Variants in ATL3 observed in about 807,000 individuals in gnomAD.
The protein encoded by ATL3 is atlastin-3.
ATL3 carries 49 observed loss-of-function variants against 69.5 expected under a neutral mutation model. The observed-to-expected ratio is 0.71, with a 90% CI of 0.56 to 0.89. ATL3 has a LOEUF of 0.89. Ranked by LOEUF, ATL3 falls within the 40% of genes least tolerant of loss-of-function variation. The pLI is 0.00. For synonymous variants in ATL3, 214 were observed against 224.1 expected, an observed-to-expected ratio of 0.95 and a Z score of 0.40; for missense variants, 606 against 645.7, an observed-to-expected ratio of 0.94 and a Z score of 0.67.
intron 8 of ATL3, among the ~76,000 whole-genome samples, chr11:63,642,036 A>G (rs947136173): frequency 6.6e-6 from 1 of 152,200 alleles, no homozygotes; most frequent in Admixed American, 6.5e-5. Flanking sequence ...AAGTACAACC[A>G]ATAATGGAGC....
intron 3 of ATL3, among the ~76,000 whole-genome samples, chr11:63,652,977 G>C (rs916629142): frequency 3.3e-5 from 5 of 152,158 alleles, no homozygotes; most frequent in Admixed American, 6.6e-5. Context: ...AGCAGCACTT[G>C]AGCCCAGTTC....
intron 1 of ATL3, among the ~76,000 whole-genome samples, chr11:63,659,755 C>T (rs866756473): frequency 6.6e-6 from 1 of 151,866 alleles, no homozygotes; most frequent in Non-Finnish European, 1.5e-5. Context: ...GCCAACATGA[C>T]GAAACCCCAT....
At chr11:63,661,799 G>A (rs1940428204) in intron 1 of ATL3, among the ~76,000 whole-genome samples, 1 of 151,882 alleles carries the variant, frequency 6.6e-6, no homozygotes, top group African/African-American at 2.4e-5. Context: ...TGAGGCAGGA[G>A]AATCGCTTGA....
chr11:63,629,338 A>G lies in ATL3; in HGVS notation c.1607T>C (p.Met536Thr), dbSNP rs1285933425. ...AAGATGCTATTGAGCTTTTTTATCC[A>G]TGGATGGTCTTCCAACAACTGCATC... ...VRDAVVGRPS[M>T]DKKAQ is the part of the protein sequence containing the mutation. Residue 536 changes from methionine (M) to threonine (T), a missense_variant, in exon 13 of 13, where the codon ATG becomes ACG. Physicochemically the swap from Met to Thr is moderately conservative, Grantham distance 81 (BLOSUM62 -1). Coordinates refer to ENST00000398868, the MANE Select transcript of ATL3 (RefSeq NM_015459.5). 4 of 1,613,980 alleles carry G rather than the reference A, an allele frequency of 2.5e-6. No homozygotes were observed. In the African/African-American group the frequency reaches 5.3e-5, roughly 22 times the overall value.
chr11:63,645,136 G>A (rs937905485), intron 6 of ATL3, among the ~76,000 whole-genome samples: 1 of 151,902 alleles, frequency 6.6e-6, no homozygotes, highest in South Asian at 2.1e-4. Flanking sequence ...GCCAGCCACC[G>A]TGGCTCATGC....
At position 63,665,763 on chromosome 11, in the gene ATL3, G is replaced by A. The variant is rs527436833; in HGVS notation, c.46+5527C>T. The stretch of plus-strand genomic sequence containing the variant: ...AATTAACCAGGCTTGGTGGTAACGC[G>A]CCTGTAATCCCAGCTACTTGGTATC... On this transcript the variant is annotated intron_variant, in intron 1 of 12. Transcript: ENST00000398868. Among the ~76,000 whole-genome samples, 193 of 151,814 alleles carry A rather than the reference G, an allele frequency of 1.3e-3. 1 individual carries two copies. Among genetic ancestry groups the A allele is most frequent in the African/African-American group, 4.4e-3 (184 of 41,390 alleles).
chr11:63,635,665 T>C, intron 9 of ATL3, 75 bp from the exon 10 acceptor site: 3 of 1,198,218 alleles, frequency 2.5e-6, no homozygotes, highest in Non-Finnish European at 1.2e-6. Context: ...TTTTAGAAAG[T>C]GACCATACAA....
chr11:63,658,408 C>T (rs746063556), intron 3 of ATL3, among the ~76,000 whole-genome samples: 8 of 152,108 alleles, frequency 5.3e-5, no homozygotes, highest in Non-Finnish European at 1.0e-4. Flanking sequence ...TCTAAAAATG[C>T]TACATAGCCC....
intron 2 of ATL3, 49 bp downstream of exon 2, chr11:63,658,989 G>A (rs768790357): frequency 3.7e-6 from 6 of 1,602,418 alleles, no homozygotes; most frequent in Non-Finnish European, 5.1e-6. Flanking sequence ...TCGCTTTTTT[G>A]GACATTAAAG....
chr11:63,637,423 T>A (rs1261204863), intron 8 of ATL3, among the ~76,000 whole-genome samples: 1 of 152,216 alleles, frequency 6.6e-6, no homozygotes, highest in East Asian at 1.9e-4. Flanking sequence ...TTCTTGTTAA[T>A]TTTTTTAATG....
chr11:63,638,319 A>C (rs1939585806), intron 8 of ATL3, among the ~76,000 whole-genome samples: 1 of 152,218 alleles, frequency 6.6e-6, no homozygotes, highest in African/African-American at 2.4e-5. Context: ...TTACTGTATT[A>C]GGTCTCCCTG....
intron 1 of ATL3, among the ~76,000 whole-genome samples, chr11:63,662,212 CAA>C (rs1228390912): frequency 4.3e-4 from 36 of 84,662 alleles, no homozygotes; most frequent in Admixed American, 7.1e-4. Context: ...GACTCTATCT[CAA>C]AAAAAAAAAA....
intron 8 of ATL3, among the ~76,000 whole-genome samples, chr11:63,636,850 T>A (rs1286357348): frequency 1.3e-5 from 2 of 152,214 alleles, no homozygotes; most frequent in Non-Finnish European, 2.9e-5. Flanking sequence ...TACCTTCATT[T>A]TTCTCCTTCC....
chr11:63,634,244 C>G (rs1335891427), intron 10 of ATL3, among the ~76,000 whole-genome samples: 5 of 151,226 alleles, frequency 3.3e-5, no homozygotes, highest in African/African-American at 1.2e-4. Flanking sequence ...CGGTGACTCA[C>G]GCCTGTAATC....
At chr11:63,671,483 G>A, upstream of ATL3, 2 of 1,464,528 alleles carry the variant, frequency 1.4e-6, no homozygotes, top group Non-Finnish European at 9.0e-7. Context: ...GCGGAGCCGC[G>A]ACGGAGCGAG....
At chr11:63,671,968 C>T (rs1940803163), upstream of ATL3, 1 of 183,326 alleles carries the variant, frequency 5.5e-6, no homozygotes, top group Non-Finnish European at 1.2e-5. Flanking sequence ...ATGGCATGAA[C>T]GTCACTGGGT....
intron 3 of ATL3, among the ~76,000 whole-genome samples, 155 bp downstream of exon 3, chr11:63,658,606 A>C (rs972843289): frequency 6.6e-6 from 1 of 152,226 alleles, no homozygotes; most frequent in Non-Finnish European, 1.5e-5. Context: ...CAACAGACTA[A>C]AATTTCAGGA....
At chr11:63,644,380 A>G in intron 6 of ATL3, 119 bp from the exon 7 acceptor site, 1 of 468,600 alleles carries the variant, frequency 2.1e-6, no homozygotes, top group South Asian at 2.7e-5. Context: ...AGAAGGATTT[A>G]CCTTTTTTTT....
chr11:63,650,544 T>C (rs1345626896), intron 5 of ATL3: 1 of 152,222 alleles, frequency 6.6e-6, no homozygotes. Flanking sequence ...TCCTCTGTAA[T>C]ATTTATATTT....
Sources: allele counts gnomAD v4.1 joint callset (sites outside exome capture counted in the v4.1 genomes callset), GRCh38; gene constraint gnomAD v4.1.1; transcripts MANE v1.5; gene names NCBI Gene and HGNC (gene_info 2026-07-23, HGNC 2026-07-21).